GNB4: variants seen among roughly 807,000 people sequenced by gnomAD.
GNB4 encodes G protein subunit beta 4.
A neutral mutation model predicts 45.2 loss-of-function variants in GNB4; 28 were observed. That is an observed-to-expected ratio of 0.62 (90% CI 0.46 to 0.85). GNB4 has a LOEUF of 0.85. Among genes scored for constraint, GNB4 ranks in the 40% least tolerant of loss-of-function variants. The pLI is 0.00. For missense variants in GNB4, 321 were observed against 425.4 expected, an observed-to-expected ratio of 0.75 and a Z score of 2.16; for synonymous variants, 132 against 143.7, an observed-to-expected ratio of 0.92 and a Z score of 0.58.
the GNB4 span, among the ~76,000 whole-genome samples, chr3:179,489,004 AAAAAAAAAAAAAAAAATATATAT>A: frequency 2.6e-5 from 1 of 39,162 alleles, no homozygotes; most frequent in South Asian, 1.0e-3. Flanking sequence ...AAAAAAAAAA[AAAAAAAAAAAAAAAAATATATAT>A]ATATATATAT....
chr3:179,519,061 C>T, the GNB4 span, among the ~76,000 whole-genome samples: 1 of 152,204 alleles, frequency 6.6e-6, no homozygotes, highest in Non-Finnish European at 1.5e-5. Flanking sequence ...ACATCTCCAG[C>T]ACACAAGAAC....
chr3:179,481,465 A>C, the GNB4 span, among the ~76,000 whole-genome samples: 1 of 151,926 alleles, frequency 6.6e-6, no homozygotes, highest in Admixed American at 6.6e-5. Flanking sequence ...ATGAGCCACC[A>C]TGCCCATAGC....
In GNB4 at chr3:179,419,503, AATC is replaced by A. The variant is rs776641307; in HGVS notation, c.97-1_98del. On this transcript the variant is annotated splice_acceptor_variant and coding_sequence_variant, in exon 4 of 10. Transcript: ENST00000232564. LOFTEE classifies it high-confidence loss of function. ...GACCCACAGAGTCCATATTTGATGT[AATC>A]TTTTGAAAGCAACAAAAATGTTATT... 1 of 1,570,664 alleles carries A rather than the reference AATC, an allele frequency of 6.4e-7. No homozygotes were observed. Among genetic ancestry groups the A allele is most frequent in the Non-Finnish European group, 8.8e-7 (1 of 1,140,636 alleles).
chr3:179,501,407 T>A, the GNB4 span, among the ~76,000 whole-genome samples: 1 of 151,692 alleles, frequency 6.6e-6, no homozygotes. Flanking sequence ...CAAGTGATTC[T>A]CCCACCTCAG....
At chr3:179,459,637 G>A in the GNB4 span, among the ~76,000 whole-genome samples, 1 of 151,236 alleles carries the variant, frequency 6.6e-6, no homozygotes, top group Admixed American at 6.6e-5. Context: ...AGCCGAGATC[G>A]TGCCATTGCA....
At chr3:179,478,227 C>A in the GNB4 span, among the ~76,000 whole-genome samples, 1 of 152,214 alleles carries the variant, frequency 6.6e-6, no homozygotes, top group Non-Finnish European at 1.5e-5. Flanking sequence ...GGGATAACCC[C>A]TCATGACTTA....
chr3:179,458,634 C>T, the GNB4 span, among the ~76,000 whole-genome samples: 1 of 152,192 alleles, frequency 6.6e-6, no homozygotes, highest in Non-Finnish European at 1.5e-5. Context: ...GCATATCCTA[C>T]ACATATCCTC....
intron 1 of GNB4, among the ~76,000 whole-genome samples, chr3:179,438,337 T>TA (rs1577038733): frequency 6.6e-6 from 1 of 152,338 alleles, no homozygotes; most frequent in East Asian, 1.9e-4. Context: ...GATGACTACT[T>TA]ACAGTGTGAC....
At chr3:179,519,991 G>A in the GNB4 span, among the ~76,000 whole-genome samples, 15 of 152,242 alleles carry the variant, frequency 9.9e-5, no homozygotes, top group Admixed American at 3.3e-4. Flanking sequence ...GGTTAGTTCA[G>A]GATCTGCGCC....
At chr3:179,420,277 C>T (rs977249336) in intron 3 of GNB4, among the ~76,000 whole-genome samples, 20 of 149,518 alleles carry the variant, frequency 1.3e-4, no homozygotes, top group Admixed American at 4.0e-4. Context: ...TACAGGCAGG[C>T]ACCACCATGA....
intron 1 of GNB4, among the ~76,000 whole-genome samples, chr3:179,444,074 T>C (rs1445873735): frequency 2.6e-5 from 4 of 152,346 alleles, no homozygotes; most frequent in Middle Eastern, 3.4e-3. Context: ...TTCAGCATCC[T>C]CTCATAATCT....
At chr3:179,464,323 C>G in the GNB4 span, 1 of 662,920 alleles carries the variant, frequency 1.5e-6, no homozygotes, top group Non-Finnish European at 2.7e-6. Flanking sequence ...AAACAGGTCC[C>G]GGCGCAGTCA....
In GNB4 at chr3:179,401,098, TAATCTAA is replaced by T. The variant is rs780230264; in HGVS notation, c.*108_*114del. The T allele has an allele frequency of 1.0e-4, 64 of 610,568 alleles. No individual in the cohort carries two copies. Among genetic ancestry groups the T allele is most frequent in the Middle Eastern group, 6.0e-4 (2 of 3,340 alleles). 37.8% of individuals were successfully genotyped at this position (610,568 alleles called of 1,614,324 possible). A position where few individuals can be genotyped will look rare whatever the true frequency, so the allele number is the denominator to read the frequency against. On this transcript the variant is annotated 3_prime_UTR_variant, in exon 10 of 10. Coordinates refer to ENST00000232564, the MANE Select transcript of GNB4 (RefSeq NM_021629.4). ...TTTACTGAAAGCTTGTTTTTGTAGA[TAATCTAA>T]TAGAAAAATCTTCACCTGCAAATAT...
At chr3:179,499,924 GTTGT>G in the GNB4 span, among the ~76,000 whole-genome samples, 1 of 152,140 alleles carries the variant, frequency 6.6e-6, no homozygotes, top group African/African-American at 2.4e-5. Flanking sequence ...ATTTGATGGG[GTTGT>G]TTGTTTCTTT....
chr3:179,482,361 G>C, the GNB4 span, among the ~76,000 whole-genome samples: 4 of 152,156 alleles, frequency 2.6e-5, no homozygotes, highest in African/African-American at 4.8e-5. Context: ...AAAGTACTTA[G>C]AGTAAAATAT....
At chr3:179,480,888 G>C in the GNB4 span, among the ~76,000 whole-genome samples, 635 of 120,642 alleles carry the variant, frequency 5.3e-3, 5 homozygotes, top group African/African-American at 0.019. Flanking sequence ...GTCTTGCTCT[G>C]TCACCCAGGC....
chr3:179,490,974 T>C, the GNB4 span, among the ~76,000 whole-genome samples: 1 of 152,186 alleles, frequency 6.6e-6, no homozygotes, highest in African/African-American at 2.4e-5. Flanking sequence ...ATTGGAAGAA[T>C]AAGTACAATC....
chr3:179,475,946 C>G, the GNB4 span, among the ~76,000 whole-genome samples: 2 of 152,208 alleles, frequency 1.3e-5, no homozygotes, highest in Non-Finnish European at 2.9e-5. Context: ...GAGAGGACAT[C>G]CAAACTGCCT....
chr3:179,518,756 T>C, the GNB4 span, among the ~76,000 whole-genome samples: 4 of 152,116 alleles, frequency 2.6e-5, no homozygotes, highest in African/African-American at 7.2e-5. Context: ...TTTCATCAAA[T>C]ATAAAAAACC....
Sources: gnomAD v4.1 joint callset for allele counts (sites outside exome capture counted in the v4.1 genomes callset) on GRCh38, gnomAD v4.1.1 for gene constraint, MANE v1.5 for transcripts, NCBI Gene and HGNC (gene_info 2026-07-23, HGNC 2026-07-21) for gene names.